The following PPP3CA variants were observed in gnomAD, a reference collection of about 807,000 sequenced individuals.
PPP3CA encodes the protein protein phosphatase 3 catalytic subunit alpha, also known as CAM-PRP catalytic subunit.
Under a neutral mutation model 66.5 loss-of-function variants are expected in PPP3CA, and 14 were observed. That is an observed-to-expected ratio of 0.21 (90% CI 0.14 to 0.33). The LOEUF (loss-of-function observed/expected upper bound fraction) is 0.33, where lower values mean the gene tolerates loss of function less well. PPP3CA is among the 10% of genes least tolerant of loss of function. PPP3CA has a pLI of 1.00. For missense variants in PPP3CA, 317 were observed against 639.5 expected (o/e 0.50, Z 5.44); for synonymous variants, 232 against 226.2 (o/e 1.03, Z -0.23).
chr4:101,235,629 G>A (rs554471128), intron 1 of PPP3CA, among the ~76,000 whole-genome samples: 24 of 151,876 alleles, frequency 1.6e-4, no homozygotes, highest in Middle Eastern at 6.8e-3. Context: ...AGGTGGCTAG[G>A]CATAAAGTAG....
intron 2 of PPP3CA, among the ~76,000 whole-genome samples, chr4:101,126,637 G>T (rs1722254217): frequency 1.3e-5 from 2 of 152,032 alleles, no homozygotes; most frequent in African/African-American, 4.8e-5. Flanking sequence ...TTTATTCATT[G>T]TATCTTTAAA....
intron 1 of PPP3CA, among the ~76,000 whole-genome samples, chr4:101,235,333 C>G (rs980130758): frequency 1.3e-5 from 2 of 151,750 alleles, no homozygotes. Flanking sequence ...GTTGCCCACT[C>G]TTCCTGCCAA....
At chr4:101,167,335 C>A (rs1723723888) in intron 2 of PPP3CA, among the ~76,000 whole-genome samples, 1 of 152,060 alleles carries the variant, frequency 6.6e-6, no homozygotes, top group African/African-American at 2.4e-5. Context: ...TAAATCCCAG[C>A]CACATGGTTA....
chr4:101,080,332 T>G (rs1363546908), intron 8 of PPP3CA, among the ~76,000 whole-genome samples, 200 bp downstream of exon 8: 1 of 152,134 alleles, frequency 6.6e-6, no homozygotes, highest in Non-Finnish European at 1.5e-5. Context: ...TTTAAAAAAT[T>G]AATAGTGCAT....
intron 1 of PPP3CA, among the ~76,000 whole-genome samples, chr4:101,207,397 A>C (rs1725165832): frequency 6.6e-6 from 1 of 152,250 alleles, no homozygotes; most frequent in East Asian, 1.9e-4. Context: ...CTCAAGAGTC[A>C]GAAGTAGTTC....
At chr4:101,083,602 A>C (rs1445172129) in intron 6 of PPP3CA, among the ~76,000 whole-genome samples, 1 of 152,238 alleles carries the variant, frequency 6.6e-6, no homozygotes, top group Non-Finnish European at 1.5e-5. Context: ...CTATAACAAG[A>C]TAATGAATTT....
At chr4:101,120,216 C>T in intron 2 of PPP3CA, among the ~76,000 whole-genome samples, 1 of 151,964 alleles carries the variant, frequency 6.6e-6, no homozygotes, top group East Asian at 1.9e-4. Flanking sequence ...ATGAATAAAA[C>T]ACTGAAACAT....
chr4:101,266,481 T>C (rs540128794), intron 1 of PPP3CA, among the ~76,000 whole-genome samples: 1 of 152,212 alleles, frequency 6.6e-6, no homozygotes, highest in African/African-American at 2.4e-5. Flanking sequence ...TACAGTATTA[T>C]ATAGCGTGAT....
chr4:101,190,864 C>T (rs1724578138), intron 2 of PPP3CA, among the ~76,000 whole-genome samples: 1 of 152,122 alleles, frequency 6.6e-6, no homozygotes, highest in Admixed American at 6.6e-5. Flanking sequence ...TAATTTATTT[C>T]TTCTACTTCT....
At chr4:101,069,222 A>G (rs570416105) in intron 8 of PPP3CA, among the ~76,000 whole-genome samples, 1 of 152,212 alleles carries the variant, frequency 6.6e-6, no homozygotes, top group Non-Finnish European at 1.5e-5. Flanking sequence ...ATTTCAGCCA[A>G]TCTGAAATAT....
intron 1 of PPP3CA, among the ~76,000 whole-genome samples, chr4:101,288,353 G>C (rs1282268852): frequency 6.6e-6 from 1 of 152,086 alleles, no homozygotes. Flanking sequence ...TTATTTTACT[G>C]AGGCAAAATT....
intron 10 of PPP3CA, among the ~76,000 whole-genome samples, chr4:101,056,713 TAAG>T (rs1728236779): frequency 6.6e-6 from 1 of 151,380 alleles, no homozygotes; most frequent in African/African-American, 2.4e-5. Flanking sequence ...AGGCAACAAA[TAAG>T]GAGCCTGGCA....
At chr4:101,109,480 A>C (rs946784217) in intron 2 of PPP3CA, among the ~76,000 whole-genome samples, 5 of 151,916 alleles carry the variant, frequency 3.3e-5, no homozygotes, top group Admixed American at 6.6e-5. Context: ...GACACCAAAG[A>C]ATGGTTCAGG....
chr4:101,171,548 CTAT>C (rs1723881889), intron 2 of PPP3CA, among the ~76,000 whole-genome samples: 3 of 152,074 alleles, frequency 2.0e-5, no homozygotes, highest in Admixed American at 2.0e-4. Context: ...CCTTCTAAAA[CTAT>C]TATTATCCCC....
chr4:101,346,965 C>A lies in PPP3CA; in HGVS notation c.-169G>T. Reference sequence around the variant, plus strand: ...GCTGGCTTTAAAGTTGCTGCCTTTTCCGCGCGTCCCTCCTCCGCCGCCGCC... The same window carrying A: ...GCTGGCTTTAAAGTTGCTGCCTTTTACGCGCGTCCCTCCTCCGCCGCCGCC... On this transcript the variant is annotated 5_prime_UTR_variant, in exon 1 of 14. Transcript: ENST00000394854. 1.4e-6 allele frequency: 1 copy of A among 722,496 alleles called. No homozygotes were observed. The allele number at this position is 722,496 out of a possible 1,614,324, so 44.8% of individuals were successfully genotyped here.
Position 101,266,918 on chromosome 4 carries a change from A to G in PPP3CA, c.59-70802T>C, listed in dbSNP as rs571950114. ...TCTCATATAGAGAATGTGACCAACT[A>G]TTTTCTTCATTTAAGCCAAATTCTG... On this transcript the variant is annotated intron_variant, in intron 1 of 13. Transcript: ENST00000394854. 2.0e-5 allele frequency among the ~76,000 whole-genome samples: 3 copies of G among 152,268 alleles called. No individual in the cohort carries two copies. The East Asian group carries it at 5.8e-4, about 29-fold the overall frequency.
chr4:101,028,698 T>C (rs1245081311), intron 13 of PPP3CA, among the ~76,000 whole-genome samples: 3 of 152,224 alleles, frequency 2.0e-5, no homozygotes, highest in African/African-American at 7.2e-5. Context: ...TACAAATTAA[T>C]GTTGAACTAC....
At chr4:101,183,317 A>G (rs1040165102) in intron 2 of PPP3CA, among the ~76,000 whole-genome samples, 1 of 152,130 alleles carries the variant, frequency 6.6e-6, no homozygotes, top group Non-Finnish European at 1.5e-5. Context: ...GGAAGACATT[A>G]AAATTTTTAG....
At chr4:101,234,983 T>G (rs1445552339) in intron 1 of PPP3CA, among the ~76,000 whole-genome samples, 1 of 151,734 alleles carries the variant, frequency 6.6e-6, no homozygotes, top group Admixed American at 6.6e-5. Context: ...CAATAAATAT[T>G]GCAAACAGGC....
Sources: gnomAD v4.1 joint callset for allele counts (sites outside exome capture counted in the v4.1 genomes callset) on GRCh38, gnomAD v4.1.1 for gene constraint, MANE v1.5 for transcripts, NCBI Gene and HGNC (gene_info 2026-07-23, HGNC 2026-07-21) for gene names.